The following PLA2G4A variants were observed in gnomAD, a reference collection of about 807,000 sequenced individuals.
PLA2G4A encodes the protein cytosolic phospholipase A2.
PLA2G4A carries 40 observed loss-of-function variants against 81.9 expected under a neutral mutation model. That is an observed-to-expected ratio of 0.49 (90% CI 0.38 to 0.64). The LOEUF (loss-of-function observed/expected upper bound fraction) is 0.64, where lower values mean the gene tolerates loss of function less well. PLA2G4A is among the 30% of genes least tolerant of loss of function. PLA2G4A has a pLI of 0.00. For missense variants in PLA2G4A, 715 were observed against 905.1 expected (o/e 0.79, Z 2.69); for synonymous variants, 302 against 296.9 (o/e 1.02, Z -0.18).
intron 1 of PLA2G4A, among the ~76,000 whole-genome samples, chr1:186,830,038 T>C (rs538236957): frequency 6.6e-6 from 1 of 152,354 alleles, no homozygotes; most frequent in Admixed American, 6.5e-5. Context: ...GGGATATTTG[T>C]AGAGGACTGT....
intron 1 of PLA2G4A, among the ~76,000 whole-genome samples, chr1:186,835,559 T>C (rs1435834359): frequency 6.6e-6 from 1 of 152,186 alleles, no homozygotes; most frequent in Non-Finnish European, 1.5e-5. Context: ...TTAGCCACTG[T>C]TGTGTCTACC....
chr1:186,906,854 G>GT (rs1294253942), intron 5 of PLA2G4A, 111 bp from the exon 6 acceptor site: 4 of 651,674 alleles, frequency 6.1e-6, no homozygotes, highest in East Asian at 2.7e-5. Context: ...TTAGGGTTTT[G>GT]TTTTTTTGAT....
At chr1:186,916,020 A>C (rs993044825) in intron 7 of PLA2G4A, among the ~76,000 whole-genome samples, 5 of 152,116 alleles carry the variant, frequency 3.3e-5, no homozygotes, top group African/African-American at 1.2e-4. Flanking sequence ...CGGTTCCTCC[A>C]CAGACATAAC....
intron 8 of PLA2G4A, among the ~76,000 whole-genome samples, chr1:186,938,161 A>T (rs1349712994): frequency 6.6e-6 from 1 of 152,146 alleles, no homozygotes; most frequent in Non-Finnish European, 1.5e-5. Context: ...AAAAAAGATG[A>T]ATAAACAAAG....
At chr1:186,846,037 A>C (rs1652161072) in intron 1 of PLA2G4A, among the ~76,000 whole-genome samples, 1 of 152,218 alleles carries the variant, frequency 6.6e-6, no homozygotes, top group Non-Finnish European at 1.5e-5. Flanking sequence ...GAAACAAAGG[A>C]ATAGAAACCC....
At chr1:186,881,802 G>A (rs184169025) in intron 3 of PLA2G4A, among the ~76,000 whole-genome samples, 1 of 152,198 alleles carries the variant, frequency 6.6e-6, no homozygotes, top group East Asian at 1.9e-4. Flanking sequence ...AGTGGAGACT[G>A]TTGTGCCTAT....
intron 1 of PLA2G4A, among the ~76,000 whole-genome samples, chr1:186,838,269 C>A (rs1651860191): frequency 1.3e-5 from 2 of 151,992 alleles, no homozygotes; most frequent in African/African-American, 4.8e-5. Flanking sequence ...GATGGTTTCT[C>A]TAGAGTGGGA....
chr1:186,908,235 T>A (rs958667120), intron 6 of PLA2G4A, among the ~76,000 whole-genome samples: 1 of 152,066 alleles, frequency 6.6e-6, no homozygotes, highest in East Asian at 1.9e-4. Flanking sequence ...ACTGAATTTA[T>A]AAAATTACTC....
At chr1:186,976,814 C>T (rs1346344151) in intron 15 of PLA2G4A, among the ~76,000 whole-genome samples, 1 of 152,190 alleles carries the variant, frequency 6.6e-6, no homozygotes, top group Non-Finnish European at 1.5e-5. Context: ...AGAGACAAAC[C>T]AACCTCGAAT....
chr1:186,933,170 T>C (rs1655814955), intron 8 of PLA2G4A, among the ~76,000 whole-genome samples: 1 of 152,098 alleles, frequency 6.6e-6, no homozygotes, highest in South Asian at 2.1e-4. Context: ...TAATTGAAAA[T>C]AGTTCTAGAT....
Position 186,940,012 on chromosome 1 carries a change from A to G in PLA2G4A, c.951A>G (p.Glu317=), listed in dbSNP as rs767227759. 16 of 1,601,456 alleles carry G rather than the reference A, an allele frequency of 1.0e-5. No homozygotes were observed. In the South Asian group the frequency reaches 1.8e-4, roughly 18 times the overall value. The change falls in exon 10 of 18, where the codon GAA becomes GAG. Residue 317 remains glutamate, a synonymous_variant. Transcript: ENST00000367466. ...ATACTACTCTGAGCAGTTTGAAGGAAAAAGTTAATACTGCACAATGCCCTT... is the reference window on the plus strand; with the variant it reads ...ATACTACTCTGAGCAGTTTGAAGGAGAAAGTTAATACTGCACAATGCCCTT... The part of the protein sequence containing the change: ...RMNTTLSSLK[E]KVNTAQCPLP...
At chr1:186,939,265 C>A in intron 9 of PLA2G4A, 35 bp downstream of exon 9, 1 of 911,088 alleles carries the variant, frequency 1.1e-6, no homozygotes, top group Non-Finnish European at 1.8e-6. Context: ...GCTTTTATAA[C>A]AAGTAGACAG....
At chr1:186,894,974 C>A (rs868163891) in intron 5 of PLA2G4A, among the ~76,000 whole-genome samples, 1 of 152,180 alleles carries the variant, frequency 6.6e-6, no homozygotes. Flanking sequence ...TGTGTCTCTG[C>A]GCATCTTTAG....
chr1:186,865,102 A>ATG (rs1342752993), intron 2 of PLA2G4A, among the ~76,000 whole-genome samples: 2 of 148,638 alleles, frequency 1.3e-5, no homozygotes, highest in African/African-American at 2.4e-5. Context: ...ATATATATAT[A>ATG]TATAAAATAT....
chr1:186,859,834 A>G (rs1652732966), intron 2 of PLA2G4A, among the ~76,000 whole-genome samples: 1 of 152,040 alleles, frequency 6.6e-6, no homozygotes, highest in Admixed American at 6.6e-5. Flanking sequence ...TCATCTGGAA[A>G]ATAGGGTATG....
intron 7 of PLA2G4A, among the ~76,000 whole-genome samples, chr1:186,912,784 T>TATATACATAAG (rs1558430292): frequency 7.4e-5 from 9 of 120,806 alleles, no homozygotes; most frequent in African/African-American, 3.3e-4. Flanking sequence ...ATATGTATAC[T>TATATACATAAG]TATATATATA....
intron 1 of PLA2G4A, among the ~76,000 whole-genome samples, chr1:186,844,503 T>G (rs935523950): frequency 6.6e-6 from 1 of 152,226 alleles, no homozygotes; most frequent in Non-Finnish European, 1.5e-5. Flanking sequence ...CAAGTTAGTG[T>G]CCAAATGTGT....
At chr1:186,960,042 G>A (rs747969638) in intron 14 of PLA2G4A, among the ~76,000 whole-genome samples, 3 of 152,210 alleles carry the variant, frequency 2.0e-5, no homozygotes, top group Non-Finnish European at 4.4e-5. Flanking sequence ...CAGTAAAAGT[G>A]CGCTATTTTT....
intron 15 of PLA2G4A, among the ~76,000 whole-genome samples, chr1:186,977,297 AT>A (rs889503795): frequency 2.6e-5 from 4 of 152,014 alleles, no homozygotes; most frequent in African/African-American, 7.3e-5. Flanking sequence ...TGAACCCATA[AT>A]TTTTTTTCTC....
Sources: gnomAD v4.1 joint callset for allele counts (sites outside exome capture counted in the v4.1 genomes callset) on GRCh38, gnomAD v4.1.1 for gene constraint, MANE v1.5 for transcripts, NCBI Gene and HGNC (gene_info 2026-07-23, HGNC 2026-07-21) for gene names.